ABCG2: variants seen among roughly 807,000 people sequenced by gnomAD.
The protein encoded by ABCG2 is ATP binding cassette subfamily G member 2 (JR blood group), also known as broad substrate specificity ATP-binding cassette transporter ABCG2.
Under a neutral mutation model 73.5 loss-of-function variants are expected in ABCG2, and 80 were observed. The ratio of observed to expected loss-of-function variants is 1.09; its 90% CI spans 0.91 to 1.31. The LOEUF (loss-of-function observed/expected upper bound fraction) is 1.31. ABCG2 is among the 50% of genes most tolerant of loss of function. ABCG2 has a pLI of 0.00. For synonymous variants in ABCG2, 269 were observed against 282.4 expected (o/e 0.95, Z 0.48); for missense variants, 796 against 786.2 (o/e 1.01, Z -0.15).
At chr4:88,190,946 G>A (rs932437994) in intron 1 of ABCG2, among the ~76,000 whole-genome samples, 1 of 151,780 alleles carries the variant, frequency 6.6e-6, no homozygotes, top group Non-Finnish European at 1.5e-5. Context: ...TTAAAAAGGG[G>A]CAAAAATTGG....
chr4:88,212,377 G>C (rs573200247), intron 1 of ABCG2, among the ~76,000 whole-genome samples: 84 of 152,006 alleles, frequency 5.5e-4, no homozygotes, highest in African/African-American at 1.9e-3. Flanking sequence ...TGTAGCCCCT[G>C]GTACTGTCAC....
intron 1 of ABCG2, among the ~76,000 whole-genome samples, chr4:88,197,137 A>C (rs1010619373): frequency 5.3e-5 from 8 of 150,716 alleles, no homozygotes; most frequent in Admixed American, 4.7e-4. Flanking sequence ...CCACCACATC[A>C]GGAAAGGCCT....
chr4:88,141,505 A>T (rs1171146478), intron 1 of ABCG2, among the ~76,000 whole-genome samples: 1 of 152,174 alleles, frequency 6.6e-6, no homozygotes, highest in African/African-American at 2.4e-5. Context: ...AGTGCCTAAC[A>T]GAGGAGGAGC....
intron 1 of ABCG2, among the ~76,000 whole-genome samples, chr4:88,169,195 A>G (rs573509970): frequency 6.6e-6 from 1 of 151,974 alleles, no homozygotes; most frequent in East Asian, 1.9e-4. Context: ...ACAGGCATGC[A>G]CCACCATGCC....
chr4:88,198,321 A>C (rs995388785), intron 1 of ABCG2, among the ~76,000 whole-genome samples: 5 of 151,196 alleles, frequency 3.3e-5, no homozygotes, highest in African/African-American at 1.2e-4. Flanking sequence ...TGACAGAGCA[A>C]GACTCCATCT....
rs772040991 is a variant in ABCG2, at chr4:88,132,611, G to A, written c.228C>T (p.Asn76=). 1.4e-5 allele frequency: 22 copies of A among 1,614,018 alleles called. No individual in the cohort carries two copies. The highest frequency in any genetic ancestry group is 8.0e-5 in the African/African-American group (6 of 74,920). The change falls in exon 3 of 16, where the codon AAC becomes AAT. Residue 76 remains asparagine (N), a synonymous_variant. Coordinates refer to ENST00000237612, the MANE Select transcript of ABCG2 (RefSeq NM_004827.3). ...CTCCACCTGTGGGTCCCAGGATGGC[G>A]TTGAGACCAGGTTTCATGATCCCAC... ...NINGIMKPGL[N]AILGPTGGGK...
chr4:88,179,546 C>T (rs1728149232), intron 1 of ABCG2, among the ~76,000 whole-genome samples: 1 of 152,174 alleles, frequency 6.6e-6, no homozygotes, highest in Admixed American at 6.5e-5. Flanking sequence ...CATGACCTCA[C>T]TAAATGAACT....
intron 1 of ABCG2, among the ~76,000 whole-genome samples, chr4:88,200,557 C>T (rs972167763): frequency 5.3e-5 from 8 of 151,990 alleles, no homozygotes; most frequent in African/African-American, 1.9e-4. Context: ...GAAAGGAGAA[C>T]ATTAATGTGC....
At chr4:88,137,560 G>A (rs1725339260) in intron 2 of ABCG2, among the ~76,000 whole-genome samples, 1 of 152,196 alleles carries the variant, frequency 6.6e-6, no homozygotes, top group South Asian at 2.1e-4. Flanking sequence ...AGTCAAATAT[G>A]TGAGGGGCAT....
chr4:88,169,391 T>C (rs1403438991), intron 1 of ABCG2, among the ~76,000 whole-genome samples: 3 of 152,152 alleles, frequency 2.0e-5, no homozygotes, highest in Non-Finnish European at 4.4e-5. Flanking sequence ...TTGAATATTA[T>C]CGGCATGAAA....
rs774119423 is a variant in ABCG2, at chr4:88,101,241, C to T, written c.1356G>A (p.Lys452=). 1.7e-5 allele frequency: 28 copies of T among 1,613,968 alleles called. No individual in the cohort carries two copies. Among genetic ancestry groups the T allele is most frequent in the Middle Eastern group, 1.6e-4 (1 of 6,084 alleles). The change falls in exon 11 of 16, where the codon AAG becomes AAA. Residue 452 remains lysine, a synonymous_variant. Transcript: ENST00000237612. ...VSAVELFVVE[K]KLFIHEYISG... ...AAAGACCTACTCACATGAAGAGCTT[C>T]TTCTCTACCACAAAGAGTTCCACGG...
rs1319510534 is a variant in ABCG2 at position 88,132,380 on chromosome 4, A to G, written c.263+196T>C. Among the ~76,000 whole-genome samples the G allele has an allele frequency of 2.6e-5, 4 of 152,292 alleles. No homozygotes were observed. The East Asian group carries it at 7.7e-4, about 29-fold the overall frequency. ...GTCAATCACCTTATCAAATCCTATT[A>G]GTAAAGCTAACCTAATAAGACTACC... is the stretch of plus-strand genomic sequence containing the variant. On this transcript the variant is annotated intron_variant, in intron 3 of 15. Transcript: ENST00000237612.
chr4:88,229,456 T>A (rs1730365080), intron 1 of ABCG2, among the ~76,000 whole-genome samples: 1 of 152,124 alleles, frequency 6.6e-6, no homozygotes, highest in African/African-American at 2.4e-5. Flanking sequence ...CTGGGCAACA[T>A]AATGAGATCC....
At chr4:88,118,382 C>A (rs1723744644) in intron 6 of ABCG2, 122 bp from the exon 7 acceptor site, 13 of 986,406 alleles carry the variant, frequency 1.3e-5, no homozygotes, top group Middle Eastern at 2.3e-4. Flanking sequence ...GTCTTACTAA[C>A]TTTTCATCTC....
At chr4:88,194,278 C>T (rs1157544245) in intron 1 of ABCG2, among the ~76,000 whole-genome samples, 3 of 151,534 alleles carry the variant, frequency 2.0e-5, no homozygotes, top group Middle Eastern at 6.9e-3. Flanking sequence ...CGGCCGGGCA[C>T]TGTGGCTCAC....
At chr4:88,177,881 G>T (rs1319150462) in intron 1 of ABCG2, among the ~76,000 whole-genome samples, 1 of 152,160 alleles carries the variant, frequency 6.6e-6, no homozygotes, top group Admixed American at 6.5e-5. Flanking sequence ...TAGACCAGAG[G>T]TAACCAGAGG....
chr4:88,138,629 A>C (rs1725405746), intron 2 of ABCG2, among the ~76,000 whole-genome samples: 1 of 152,228 alleles, frequency 6.6e-6, no homozygotes, highest in Non-Finnish European at 1.5e-5. Flanking sequence ...TGGAGCCAGC[A>C]GATAGGAGAA....
rs200933122 is a variant in ABCG2, at chr4:88,092,380, A to C, written c.1822T>G (p.Cys608Gly). The change falls in exon 16 of 16, where the codon TGT becomes GGT. Residue 608 changes from cysteine (C) to glycine (G), a missense_variant and splice_region_variant. Cys to Gly is a radical substitution (Grantham distance 159). Coordinates refer to ENST00000237612, the MANE Select transcript of ABCG2 (RefSeq NM_004827.3). ...TGNNPCNYATCTGEEYLVKQG... is the reference protein window; with the variant it reads ...TGNNPCNYATGTGEEYLVKQG... ...TTTACCAAATATTCTTCGCCAGTAC[A>C]TCTGAAATTAAACAGAAAAAGAATA... 2.5e-6 allele frequency: 4 copies of C among 1,606,216 alleles called. No individual in the cohort carries two copies. The highest frequency in any genetic ancestry group is 3.4e-6 in the Non-Finnish European group (4 of 1,178,248).
At chr4:88,180,935 C>T (rs1728209080) in intron 1 of ABCG2, among the ~76,000 whole-genome samples, 1 of 151,834 alleles carries the variant, frequency 6.6e-6, no homozygotes, top group African/African-American at 2.4e-5. Context: ...AAAAGATAAA[C>T]CAATGAAAAT....
Sources: allele counts gnomAD v4.1 joint callset (sites outside exome capture counted in the v4.1 genomes callset), GRCh38; gene constraint gnomAD v4.1.1; transcripts MANE v1.5; gene names NCBI Gene and HGNC (gene_info 2026-07-23, HGNC 2026-07-21).